FNDC3B: variants seen among roughly 807,000 people sequenced by gnomAD.
FNDC3B encodes the protein fibronectin type III domain containing 3B, also known as fibronectin type III domain-containing protein 3B.
In FNDC3B, 12 loss-of-function variants were observed where a neutral mutation model predicts 151.5. That is an observed-to-expected ratio of 0.08 (90% CI 0.05 to 0.13). The LOEUF is 0.13. Ranked by LOEUF, FNDC3B falls within the 10% of genes least tolerant of loss-of-function variation. FNDC3B has a pLI of 1.00. For missense variants in FNDC3B, 1,214 were observed against 1,505.3 expected (o/e 0.81, Z 3.20); for synonymous variants, 528 against 549.0 (o/e 0.96, Z 0.54).
intron 1 of FNDC3B, among the ~76,000 whole-genome samples, chr3:172,104,038 C>T (rs1006337839): frequency 1.1e-4 from 17 of 152,210 alleles, no homozygotes; most frequent in Non-Finnish European, 2.4e-4. Context: ...CATAAAAACA[C>T]AGTGATTATC....
Position 172,083,387 on chromosome 3 carries a change from C to T in FNDC3B, c.-28-29065C>T, listed in dbSNP as rs183774535. On this transcript the variant is annotated intron_variant, in intron 1 of 25. Transcript: ENST00000415807. ...CGTTGCTGCTGAGGAACACTGAACTCGGAGAATCTGCTGCTTTTATAGCAT... is the reference window on the plus strand; with the variant it reads ...CGTTGCTGCTGAGGAACACTGAACTTGGAGAATCTGCTGCTTTTATAGCAT... 1.0e-3 allele frequency among the ~76,000 whole-genome samples: 158 copies of T among 152,330 alleles called. 1 individual carries two copies. Among genetic ancestry groups the T allele is most frequent in the Admixed American group, 9.7e-3 (149 of 15,310 alleles).
Position 172,091,367 on chromosome 3 carries a change from CTCTA to C in FNDC3B, c.-28-21079_-28-21076del, listed in dbSNP as rs573492314. The stretch of plus-strand genomic sequence containing the variant: ...ATTAAGTTGAATTACCAAGGTTTTG[CTCTA>C]TCTATGTAATTTTAAAATGTGAATA... On this transcript the variant is annotated intron_variant, in intron 1 of 25. Coordinates refer to ENST00000415807, the MANE Select transcript of FNDC3B (RefSeq NM_022763.4). Among the ~76,000 whole-genome samples, 513 of 152,198 alleles carry C rather than the reference CTCTA, an allele frequency of 3.4e-3. 4 individuals are homozygous for C. Among genetic ancestry groups the C allele is most frequent in the African/African-American group, 0.012 (485 of 41,500 alleles).
Position 172,398,472 on chromosome 3 carries a change from G to A in FNDC3B, c.*997G>A, listed in dbSNP as rs539896207. 2.0e-5 allele frequency: 3 copies of A among 152,442 alleles called. No homozygotes were observed. In the East Asian group the frequency reaches 5.8e-4, roughly 29 times the overall value. The allele number at this position is 152,442 out of a possible 1,614,324, so 9.4% of individuals were successfully genotyped here. On this transcript the variant is annotated 3_prime_UTR_variant, in exon 26 of 26. Transcript: ENST00000415807. ...TTAGGCTGTTCTTTGAGGTATCAAT[G>A]AAGTGATTGAATTTCAATACCTTAA...
In FNDC3B at chr3:172,346,862, C is replaced by G. The variant is rs141941254; in HGVS notation, c.2365-350C>G. Among the ~76,000 whole-genome samples, 25 of 152,128 alleles carry G rather than the reference C, an allele frequency of 1.6e-4. 1 individual carries two copies. The East Asian group carries it at 4.6e-3, about 28-fold the overall frequency. ...GGGATTACAGGTGCCCACCACCATG[C>G]CTGGCTAGTTTTTGTACTTTTAGTA... On this transcript the variant is annotated intron_variant, in intron 20 of 25. Transcript: ENST00000415807.
At chr3:172,334,895 T>A in intron 14 of FNDC3B, 49 bp from the exon 15 acceptor site, 2 of 1,559,630 alleles carry the variant, frequency 1.3e-6, no homozygotes, top group Non-Finnish European at 1.7e-6. Flanking sequence ...ATTAATTTAA[T>A]GATCCCTGAT....
chr3:172,202,765 C>G (rs926775575), intron 3 of FNDC3B, among the ~76,000 whole-genome samples: 1 of 152,128 alleles, frequency 6.6e-6, no homozygotes, highest in African/African-American at 2.4e-5. Flanking sequence ...GGTCCATGAC[C>G]CCTGGAAGAG....
chr3:172,253,885 T>A (rs1449642688), intron 6 of FNDC3B, among the ~76,000 whole-genome samples: 1 of 152,094 alleles, frequency 6.6e-6, no homozygotes, highest in Non-Finnish European at 1.5e-5. Flanking sequence ...GTTCAAACCA[T>A]TCTCCTGCCT....
At chr3:172,355,109 C>T (rs1456237628) in intron 22 of FNDC3B, among the ~76,000 whole-genome samples, 1 of 152,052 alleles carries the variant, frequency 6.6e-6, no homozygotes, top group African/African-American at 2.4e-5. Flanking sequence ...AAAGGCATTC[C>T]TTTAAGTTTA....
At chr3:172,174,660 A>G (rs1371002886) in intron 3 of FNDC3B, among the ~76,000 whole-genome samples, 2 of 152,138 alleles carry the variant, frequency 1.3e-5, no homozygotes, top group African/African-American at 4.8e-5. Context: ...AATCGACCTC[A>G]TCAAGACAAA....
At position 172,290,736 on chromosome 3, in the gene FNDC3B, G is replaced by T. The variant is rs571272593; in HGVS notation, c.850-4627G>T. ...TAGTGCATCTGGGAGCAGATAGGCG[G>T]CTCTTAGCACTTCAGGAATCATAAA... On this transcript the variant is annotated intron_variant, in intron 7 of 25. Coordinates refer to ENST00000415807, the MANE Select transcript of FNDC3B (RefSeq NM_022763.4). Among the ~76,000 whole-genome samples, 7 of 152,298 alleles carry T rather than the reference G, an allele frequency of 4.6e-5. No individual in the cohort carries two copies. In the South Asian group the frequency reaches 1.0e-3, roughly 23 times the overall value.
rs551419745 is a variant in FNDC3B at position 172,374,833 on chromosome 3, A to G, written c.3009-3437A>G. On this transcript the variant is annotated intron_variant, in intron 23 of 25. Transcript: ENST00000415807. The stretch of plus-strand genomic sequence containing the variant: ...TGGTGTTTCATAGTCTACAGAGCCA[A>G]TTCCAGTCTCAGAAATTGCATTTAC... Among the ~76,000 whole-genome samples the G allele has an allele frequency of 5.9e-4, 90 of 152,352 alleles. 1 individual carries two copies. Among genetic ancestry groups the G allele is most frequent in the African/African-American group, 1.9e-3 (78 of 41,584 alleles).
chr3:172,393,291 A>C (rs1326286141), intron 25 of FNDC3B, among the ~76,000 whole-genome samples: 1 of 152,210 alleles, frequency 6.6e-6, no homozygotes, highest in African/African-American at 2.4e-5. Context: ...AAAAAGAGAC[A>C]TTATATAATG....
At chr3:172,166,546 C>T (rs1723011764) in intron 3 of FNDC3B, among the ~76,000 whole-genome samples, 1 of 152,158 alleles carries the variant, frequency 6.6e-6, no homozygotes, top group Non-Finnish European at 1.5e-5. Context: ...TCATTTTTCT[C>T]TAAAGAATAA....
At chr3:172,165,750 A>AGG (rs1325829391) in intron 3 of FNDC3B, among the ~76,000 whole-genome samples, 1 of 152,208 alleles carries the variant, frequency 6.6e-6, no homozygotes, top group Non-Finnish European at 1.5e-5. Flanking sequence ...TGTCCACATT[A>AGG]GAGAATAATG....
intron 2 of FNDC3B, among the ~76,000 whole-genome samples, chr3:172,118,344 G>A (rs2108549551): frequency 6.6e-6 from 1 of 152,234 alleles, no homozygotes; most frequent in South Asian, 2.1e-4. Flanking sequence ...CACCTCACAG[G>A]TTTACTCCTT....
chr3:172,131,482 T>C (rs1721098911), intron 2 of FNDC3B, among the ~76,000 whole-genome samples: 1 of 152,198 alleles, frequency 6.6e-6, no homozygotes, highest in Non-Finnish European at 1.5e-5. Context: ...TACAGTGTGC[T>C]TACATTGGTG....
intron 18 of FNDC3B, among the ~76,000 whole-genome samples, chr3:172,343,602 C>T (rs1159028195): frequency 6.6e-6 from 1 of 152,208 alleles, no homozygotes; most frequent in East Asian, 1.9e-4. Context: ...ATTAGCGTTT[C>T]CTGTTGTGTC....
At chr3:172,070,083 C>T (rs572320506) in intron 1 of FNDC3B, among the ~76,000 whole-genome samples, 19 of 152,296 alleles carry the variant, frequency 1.2e-4, no homozygotes, top group African/African-American at 4.6e-4. Context: ...GCTCCCTTTT[C>T]TTTCCAGGGC....
At chr3:172,273,299 A>T (rs1166347029) in intron 6 of FNDC3B, among the ~76,000 whole-genome samples, 1 of 152,252 alleles carries the variant, frequency 6.6e-6, no homozygotes, top group Non-Finnish European at 1.5e-5. Flanking sequence ...TCTTAAAGAA[A>T]TGCTTGATTC....
Sources: allele counts gnomAD v4.1 joint callset (sites outside exome capture counted in the v4.1 genomes callset), GRCh38; gene constraint gnomAD v4.1.1; transcripts MANE v1.5; gene names NCBI Gene and HGNC (gene_info 2026-07-23, HGNC 2026-07-21).